Variants in LPGAT1 observed in about 807,000 individuals in gnomAD.
The protein encoded by LPGAT1 is lysophosphatidylglycerol acyltransferase 1, also known as acyl-CoA:lysophosphatidylglycerol acyltransferase 1.
In LPGAT1, 11 loss-of-function variants were observed where a neutral mutation model predicts 47.5. The ratio of observed to expected loss-of-function variants is 0.23; its 90% CI spans 0.15 to 0.38. The LOEUF is 0.38. Ranked by LOEUF, LPGAT1 falls within the 10% of genes least tolerant of loss-of-function variation. The pLI is 1.00. For missense variants in LPGAT1, 293 were observed against 439.0 expected, an observed-to-expected ratio of 0.67 and a Z score of 2.97; for synonymous variants, 138 against 144.2, an observed-to-expected ratio of 0.96 and a Z score of 0.31.
intron 2 of LPGAT1, among the ~76,000 whole-genome samples, chr1:211,827,877 C>A (rs1660586881): frequency 6.6e-6 from 1 of 152,126 alleles, no homozygotes; most frequent in Non-Finnish European, 1.5e-5. Flanking sequence ...ATGCCACTGC[C>A]TGAAGGAGAA....
At chr1:211,823,162 A>G (rs957935040) in intron 2 of LPGAT1, among the ~76,000 whole-genome samples, 2 of 152,210 alleles carry the variant, frequency 1.3e-5, no homozygotes, top group African/African-American at 4.8e-5. Flanking sequence ...GGCAACATCA[A>G]TCCAGTTAAT....
At position 211,785,026 on chromosome 1, in the gene LPGAT1, A is replaced by C. The variant is rs188472253; in HGVS notation, c.454-1524T>G. Among the ~76,000 whole-genome samples the C allele has an allele frequency of 3.1e-4, 47 of 152,108 alleles. No individual in the cohort carries two copies. In the East Asian group the frequency reaches 4.6e-3, roughly 15 times the overall value. ...CACCGTGTTAGCCAGGATGGTCTCG[A>C]TCTCCTGACCTTGTGATCTGCCCCC... On this transcript the variant is annotated intron_variant, in intron 4 of 7. Transcript: ENST00000366997.
At chr1:211,805,937 T>C (rs1659740647) in intron 2 of LPGAT1, among the ~76,000 whole-genome samples, 1 of 152,114 alleles carries the variant, frequency 6.6e-6, no homozygotes, top group Admixed American at 6.6e-5. Flanking sequence ...CAAGTTAGGT[T>C]TACCCCAGGA....
chr1:211,749,798 CTTTTT>C lies in LPGAT1; in HGVS notation c.*96_*100del. On this transcript the variant is annotated 3_prime_UTR_variant, in exon 8 of 8. Transcript: ENST00000366997. The stretch of plus-strand genomic sequence containing the variant: ...TAATCCATCCATTGAATTTCTTTTG[CTTTTT>C]TTTAAATATATTCTGATTTGCACAT... 1 of 1,276,928 alleles carries C rather than the reference CTTTTT, an allele frequency of 7.8e-7. No homozygotes were observed. Among genetic ancestry groups the C allele is most frequent in the South Asian group, 1.3e-5 (1 of 75,036 alleles). 79.1% of individuals were successfully genotyped at this position (1,276,928 alleles called of 1,614,324 possible).
At chr1:211,800,799 G>A (rs185612901) in intron 2 of LPGAT1, among the ~76,000 whole-genome samples, 40 of 152,308 alleles carry the variant, frequency 2.6e-4, no homozygotes, top group East Asian at 3.9e-4. Flanking sequence ...AATAACAAGT[G>A]AGAATCATCC....
At chr1:211,764,846 A>G (rs552369968) in intron 6 of LPGAT1, among the ~76,000 whole-genome samples, 1 of 151,810 alleles carries the variant, frequency 6.6e-6, no homozygotes, top group South Asian at 2.1e-4. Context: ...TTGTGTAGAT[A>G]GGAAGATGGC....
chr1:211,800,978 AT>A (rs1659551380), intron 2 of LPGAT1, among the ~76,000 whole-genome samples: 1 of 152,344 alleles, frequency 6.6e-6, no homozygotes, highest in Admixed American at 6.5e-5. Flanking sequence ...AAATACTGAC[AT>A]TTGGGGTTCC....
At chr1:211,766,453 A>C (rs1421714866) in intron 6 of LPGAT1, among the ~76,000 whole-genome samples, 2 of 152,234 alleles carry the variant, frequency 1.3e-5, no homozygotes, top group African/African-American at 4.8e-5. Context: ...CCTACTGAAC[A>C]TCATAGCTTA....
chr1:211,765,786 T>A (rs1657883634), intron 6 of LPGAT1, among the ~76,000 whole-genome samples: 1 of 152,240 alleles, frequency 6.6e-6, no homozygotes, highest in Non-Finnish European at 1.5e-5. Context: ...GTGTATAGGT[T>A]AATTTTTCAT....
At position 211,749,463 on chromosome 1, in the gene LPGAT1, C is replaced by G. The variant is rs1657085189; in HGVS notation, c.*436G>C. 6.3e-6 allele frequency: 1 copy of G among 158,022 alleles called. No individual in the cohort carries two copies. The highest frequency in any genetic ancestry group is 1.4e-5 in the Non-Finnish European group (1 of 72,422). The allele number at this position is 158,022 out of a possible 1,614,324, so 9.8% of individuals were successfully genotyped here. A position where few individuals can be genotyped will look rare whatever the true frequency, so the allele number is the denominator to read the frequency against. ...TCACGAGGTGCCAACCAGCTCCCCT[C>G]AAGTTTACTGAGTTGGTGGAAATGT... On this transcript the variant is annotated 3_prime_UTR_variant, in exon 8 of 8. Transcript: ENST00000366997.
chr1:211,816,236 C>T (rs1660169488), intron 2 of LPGAT1, among the ~76,000 whole-genome samples: 1 of 152,110 alleles, frequency 6.6e-6, no homozygotes, highest in Non-Finnish European at 1.5e-5. Flanking sequence ...CTCTCATAGC[C>T]CTTTTCACAT....
At chr1:211,795,529 G>A (rs111470740) in intron 2 of LPGAT1, among the ~76,000 whole-genome samples, 7 of 152,024 alleles carry the variant, frequency 4.6e-5, no homozygotes, top group Non-Finnish European at 8.8e-5. Flanking sequence ...CACCACGCCC[G>A]GCTAATCTTG....
chr1:211,765,680 C>T (rs1423952393), intron 6 of LPGAT1, among the ~76,000 whole-genome samples: 1 of 152,128 alleles, frequency 6.6e-6, no homozygotes, highest in Non-Finnish European at 1.5e-5. Context: ...CAGTTACTTA[C>T]CAAATTATAA....
At position 211,750,168 on chromosome 1, in the gene LPGAT1, C is replaced by T. The variant is rs894457140; in HGVS notation, c.962-118G>A. 57 of 820,552 alleles carry T rather than the reference C, an allele frequency of 6.9e-5. 2 individuals are homozygous for T. In the Admixed American group the frequency reaches 1.2e-3, roughly 17 times the overall value. 50.8% of individuals were successfully genotyped at this position (820,552 alleles called of 1,614,324 possible). On this transcript the variant is annotated intron_variant, in intron 7 of 7. Coordinates refer to ENST00000366997, the MANE Select transcript of LPGAT1 (RefSeq NM_014873.3). ...TGTTAAAGCACCTTCAGTGACTTTC[C>T]AGTGCCCCAGAGGAGAGATTTTATT...
rs530932047 is a variant in LPGAT1 at position 211,776,586 on chromosome 1, A to T, written c.854+2332T>A. Among the ~76,000 whole-genome samples the T allele has an allele frequency of 2.0e-5, 3 of 152,266 alleles. No homozygotes were observed. In the South Asian group the frequency reaches 6.2e-4, roughly 32 times the overall value. On this transcript the variant is annotated intron_variant, in intron 6 of 7. Transcript: ENST00000366997. The stretch of plus-strand genomic sequence containing the variant: ...AGCTATATACCAAAATCACTAAGTG[A>T]TCACTTCAGTTAAATTCTCAAGAAT...
intron 2 of LPGAT1, among the ~76,000 whole-genome samples, chr1:211,815,773 C>CTTTTTTTTTTTT (rs938719098): frequency 9.8e-6 from 1 of 101,846 alleles, no homozygotes. Context: ...AAATGCTTTT[C>CTTTTTTTTTTTT]TTTTTTTTTT....
chr1:211,778,363 A>C (rs60808943), intron 6 of LPGAT1, among the ~76,000 whole-genome samples: 123,793 of 133,908 alleles, frequency 0.92, 57,186 homozygotes, highest in East Asian at 0.94. Context: ...AAAAAAAAAA[A>C]AAAAAAAAAA....
intron 3 of LPGAT1, among the ~76,000 whole-genome samples, chr1:211,789,454 C>T (rs1363005257): frequency 6.6e-6 from 1 of 152,134 alleles, no homozygotes; most frequent in Non-Finnish European, 1.5e-5. Flanking sequence ...TCTGTTCCAA[C>T]TTATTTTAGG....
rs1656944730 is a variant in LPGAT1 at position 211,746,425 on chromosome 1, C to A, written c.*3474G>T. The stretch of plus-strand genomic sequence containing the variant: ...ATAGCTGTCTTTCCGCATCATTTCA[C>A]TACTCATTAACACAGTCATAAATAT... On this transcript the variant is annotated 3_prime_UTR_variant, in exon 8 of 8. Transcript: ENST00000366997. 1 of 152,194 alleles carries A rather than the reference C, an allele frequency of 6.6e-6. No homozygotes were observed. The highest frequency in any genetic ancestry group is 6.5e-5 in the Admixed American group (1 of 15,284). The allele number at this position is 152,194 out of a possible 1,614,324, so 9.4% of individuals were successfully genotyped here.
Sources: gnomAD v4.1 joint callset for allele counts (sites outside exome capture counted in the v4.1 genomes callset) on GRCh38, gnomAD v4.1.1 for gene constraint, MANE v1.5 for transcripts, NCBI Gene and HGNC (gene_info 2026-07-23, HGNC 2026-07-21) for gene names.